DGKH: variants seen among roughly 807,000 people sequenced by gnomAD.
The protein encoded by DGKH is diacylglycerol kinase eta.
In DGKH, 90 loss-of-function variants were observed where a neutral mutation model predicts 159.3. The observed-to-expected ratio is 0.57, with a 90% CI of 0.48 to 0.67. The LOEUF (loss-of-function observed/expected upper bound fraction) is 0.67. DGKH is among the 30% of genes least tolerant of loss of function. The pLI, the probability that DGKH is intolerant of heterozygous loss-of-function variation, is 0.00. For missense variants in DGKH, 1,181 were observed against 1,506.1 expected (o/e 0.78, Z 3.57); for synonymous variants, 536 against 553.8 (o/e 0.97, Z 0.45).
chr13:42,054,832 C>G (rs1881633505), intron 1 of DGKH, among the ~76,000 whole-genome samples: 1 of 152,070 alleles, frequency 6.6e-6, no homozygotes, highest in African/African-American at 2.4e-5. Context: ...CATGAAAAAT[C>G]ACTCCATGTA....
chr13:42,082,238 T>G (rs574480944), intron 1 of DGKH, among the ~76,000 whole-genome samples: 2 of 152,002 alleles, frequency 1.3e-5, no homozygotes, highest in Non-Finnish European at 2.9e-5. Context: ...TCTACCTTGC[T>G]CAGTCTCACC....
intron 1 of DGKH, among the ~76,000 whole-genome samples, chr13:42,101,279 TA>T (rs1424318601): frequency 1.3e-5 from 2 of 152,218 alleles, no homozygotes; most frequent in East Asian, 1.9e-4. Flanking sequence ...AACTTATGGT[TA>T]AAGAAAATTT....
intron 1 of DGKH, among the ~76,000 whole-genome samples, chr13:42,085,413 C>T (rs1272839220): frequency 2.0e-5 from 3 of 152,154 alleles, no homozygotes; most frequent in Admixed American, 2.0e-4. Flanking sequence ...CTCTGAGATA[C>T]ATTGCTGTAA....
At chr13:42,097,437 T>C (rs1483782326) in intron 1 of DGKH, among the ~76,000 whole-genome samples, 2 of 152,296 alleles carry the variant, frequency 1.3e-5, no homozygotes, top group Admixed American at 1.3e-4. Flanking sequence ...TCCGTCACTG[T>C]TTAATCAAAC....
intron 25 of DGKH, among the ~76,000 whole-genome samples, chr13:42,215,020 C>G (rs1269340797): frequency 6.6e-6 from 1 of 152,024 alleles, no homozygotes; most frequent in African/African-American, 2.4e-5. Context: ...ATTATTCCTA[C>G]TTCATTTTGT....
intron 7 of DGKH, among the ~76,000 whole-genome samples, chr13:42,164,682 TG>T (rs1345202600): frequency 2.0e-5 from 3 of 152,190 alleles, no homozygotes; most frequent in African/African-American, 7.2e-5. Flanking sequence ...GTACCTTGCA[TG>T]ACCATGAAAC....
chr13:42,090,784 G>T (rs1035172082), intron 1 of DGKH, among the ~76,000 whole-genome samples: 13 of 152,170 alleles, frequency 8.5e-5, no homozygotes, highest in African/African-American at 2.9e-4. Flanking sequence ...CCAGTGTGAA[G>T]GTATTAAGAG....
intron 1 of DGKH, chr13:42,070,402 G>T: frequency 7.2e-7 from 1 of 1,395,446 alleles, no homozygotes; most frequent in Non-Finnish European, 1.0e-6. Context: ...TGCAAAAAGG[G>T]TTTTACAAAA....
At chr13:42,125,586 A>G (rs913316092) in intron 1 of DGKH, among the ~76,000 whole-genome samples, 9 of 150,030 alleles carry the variant, frequency 6.0e-5, no homozygotes, top group Non-Finnish European at 1.3e-4. Flanking sequence ...CTGACTTTCA[A>G]AAGTGTTTTG....
rs777864534 is a variant in DGKH at position 42,048,839 on chromosome 13, C to G, written c.66C>G (p.Gly22=). The change falls in exon 1 of 30, where the codon GGC becomes GGG. Residue 22 remains glycine, a synonymous_variant. Coordinates refer to ENST00000337343, the MANE Select transcript of DGKH (RefSeq NM_178009.5). This position sits in a 1 kb window ranked among gnomAD's most constrained non-coding sequence, Gnocchi z 6.7. ...GAAGGAAAGA[G]AAVTSAAASA... ...CTGGAGGAGCGGCCGCCGGAGCCGG[C>G]GCCGCGGTCACCTCCGCCGCTGCCT... 7.4e-7 allele frequency: 1 copy of G among 1,351,356 alleles called. No individual in the cohort carries two copies. Among genetic ancestry groups the G allele is most frequent in the Admixed American group, 3.8e-5 (1 of 26,266 alleles). 83.7% of individuals were successfully genotyped at this position (1,351,356 alleles called of 1,614,324 possible). A position where few individuals can be genotyped will look rare whatever the true frequency, so the allele number is the denominator to read the frequency against.
intron 1 of DGKH, among the ~76,000 whole-genome samples, chr13:42,052,935 A>G (rs1323353458): frequency 2.0e-5 from 3 of 152,160 alleles, no homozygotes; most frequent in Admixed American, 1.3e-4. Context: ...TTTATTTTTT[A>G]TTTTTTGACA....
chr13:42,201,728 A>G (rs999240960), intron 20 of DGKH, among the ~76,000 whole-genome samples: 2 of 152,228 alleles, frequency 1.3e-5, no homozygotes, highest in African/African-American at 4.8e-5. Flanking sequence ...AAGAAGACTT[A>G]CCAATAAGAT....
chr13:42,078,772 G>T (rs1954144825), intron 1 of DGKH, among the ~76,000 whole-genome samples: 1 of 152,028 alleles, frequency 6.6e-6, no homozygotes, highest in Admixed American at 6.6e-5. Flanking sequence ...TATGCATATA[G>T]ACAGATAGAC....
At chr13:42,184,873 A>G (rs949795300) in intron 13 of DGKH, among the ~76,000 whole-genome samples, 41 of 77,320 alleles carry the variant, frequency 5.3e-4, no homozygotes, top group African/African-American at 1.9e-3. Context: ...ATCTCTAAAA[A>G]TGTTTTTTTT....
At chr13:42,053,175 A>T (rs1413450993) in intron 1 of DGKH, among the ~76,000 whole-genome samples, 1 of 152,082 alleles carries the variant, frequency 6.6e-6, no homozygotes, top group African/African-American at 2.4e-5. Context: ...CTCAAAGAAA[A>T]AAACAAACCC....
intron 1 of DGKH, among the ~76,000 whole-genome samples, chr13:42,051,389 A>G (rs1881287462): frequency 6.6e-6 from 1 of 152,186 alleles, no homozygotes; most frequent in Non-Finnish European, 1.5e-5. Flanking sequence ...TGGACTGTTC[A>G]TGTATGTCAC....
intron 1 of DGKH, among the ~76,000 whole-genome samples, chr13:42,087,746 ATTT>A (rs56389215): frequency 2.1e-5 from 3 of 142,358 alleles, no homozygotes; most frequent in Admixed American, 6.9e-5. Flanking sequence ...TGCACTGCTC[ATTT>A]TTTTTTTTTT....
At chr13:42,126,351 T>C (rs550294669) in intron 1 of DGKH, among the ~76,000 whole-genome samples, 6 of 152,096 alleles carry the variant, frequency 3.9e-5, no homozygotes, top group South Asian at 2.1e-4. Flanking sequence ...GTGGGTCTCA[T>C]TGAGATGGTC....
chr13:42,046,455 G>GA (rs1880799013), upstream of DGKH, among the ~76,000 whole-genome samples: 1 of 152,198 alleles, frequency 6.6e-6, no homozygotes, highest in Non-Finnish European at 1.5e-5. Flanking sequence ...TGGATTCGTT[G>GA]AAACTGGCTC....
Sources: gnomAD v4.1 joint callset for allele counts (sites outside exome capture counted in the v4.1 genomes callset) on GRCh38, gnomAD v4.1.1 for gene constraint, Gnocchi (gnomAD v3.1) non-coding constraint, MANE v1.5 for transcripts, NCBI Gene and HGNC (gene_info 2026-07-23, HGNC 2026-07-21) for gene names.